The following IPO11 variants were observed in gnomAD, a reference collection of about 807,000 sequenced individuals.
IPO11 encodes the protein importin-11.
IPO11 carries 66 observed loss-of-function variants against 143.2 expected under a neutral mutation model. The observed-to-expected ratio is 0.46, with a 90% CI of 0.38 to 0.57. IPO11 has a LOEUF of 0.57. Ranked by LOEUF, IPO11 falls within the 20% of genes least tolerant of loss-of-function variation. The probability of loss-of-function intolerance (pLI) is 0.00; values close to 1 mark genes in which losing one functional copy is unlikely to be tolerated. For missense variants in IPO11, 1,026 were observed against 1,141.0 expected, an observed-to-expected ratio of 0.90 and a Z score of 1.45; for synonymous variants, 385 against 377.8, an observed-to-expected ratio of 1.02 and a Z score of -0.22.
At chr5:62,467,015 G>C in intron 5 of IPO11, 116 bp from the exon 6 acceptor site, 1 of 923,594 alleles carries the variant, frequency 1.1e-6, no homozygotes, top group East Asian at 2.7e-5. Context: ...GACTATTTCA[G>C]ATCTCTCAGA....
chr5:62,594,315 T>C (rs1745135521), intron 28 of IPO11, among the ~76,000 whole-genome samples: 1 of 152,190 alleles, frequency 6.6e-6, no homozygotes, highest in Non-Finnish European at 1.5e-5. Flanking sequence ...GAGGTATAAA[T>C]CTGATCATGT....
Position 62,450,017 on chromosome 5 carries a change from G to C in IPO11, c.312+18G>C. On this transcript the variant is annotated intron_variant, in intron 4 of 29. Coordinates refer to ENST00000325324, the MANE Select transcript of IPO11 (RefSeq NM_016338.5). ...TAAACCAGGTTAGTGAGAAATGAAT[G>C]CTAATTTTTCTTTTTATTTGTACTG... is the stretch of plus-strand genomic sequence containing the variant. 6.5e-7 allele frequency: 1 copy of C among 1,542,212 alleles called. No individual in the cohort carries two copies. The highest frequency in any genetic ancestry group is 8.8e-7 in the Non-Finnish European group (1 of 1,137,928).
intron 4 of IPO11, 122 bp downstream of exon 4, chr5:62,450,121 GT>G: frequency 1.8e-6 from 1 of 545,418 alleles, no homozygotes; most frequent in Non-Finnish European, 3.1e-6. Flanking sequence ...CATTTGTGAT[GT>G]TTTTATCTAT....
At chr5:62,446,526 A>C (rs1015004123) in intron 3 of IPO11, among the ~76,000 whole-genome samples, 1 of 152,228 alleles carries the variant, frequency 6.6e-6, no homozygotes, top group African/African-American at 2.4e-5. Flanking sequence ...ATGAATGATG[A>C]GTACTTTTTA....
intron 16 of IPO11, among the ~76,000 whole-genome samples, chr5:62,498,025 TTTTTTGTTG>T (rs921026510): frequency 6.6e-6 from 1 of 151,496 alleles, no homozygotes; most frequent in Non-Finnish European, 1.5e-5. Flanking sequence ...ATTGTTTTTT[TTTTTTGTTG>T]TTGTTGTTGT....
At chr5:62,485,271 A>C in intron 11 of IPO11, 148 bp from the exon 12 acceptor site, 2 of 606,936 alleles carry the variant, frequency 3.3e-6, no homozygotes, top group Non-Finnish European at 5.9e-6. Context: ...TATAGTAACA[A>C]AATCTGTGTA....
intron 27 of IPO11, among the ~76,000 whole-genome samples, chr5:62,571,728 C>T (rs1170821957): frequency 2.0e-5 from 3 of 151,406 alleles, no homozygotes; most frequent in Non-Finnish European, 2.9e-5. Context: ...CTCTGTCGCC[C>T]AGGCTGGAGT....
intron 5 of IPO11, among the ~76,000 whole-genome samples, chr5:62,458,577 A>G (rs1437851786): frequency 2.6e-5 from 4 of 152,196 alleles, no homozygotes; most frequent in Admixed American, 1.3e-4. Context: ...TTAGGATTAC[A>G]GGCATGAGCC....
At chr5:62,538,598 G>C (rs892834383) in intron 24 of IPO11, among the ~76,000 whole-genome samples, 16 of 152,168 alleles carry the variant, frequency 1.1e-4, no homozygotes, top group African/African-American at 3.6e-4. Flanking sequence ...TGCCTTGATT[G>C]TAAGTTTCCT....
chr5:62,485,900 T>TA (rs982557635), intron 12 of IPO11, among the ~76,000 whole-genome samples: 132 of 150,266 alleles, frequency 8.8e-4, no homozygotes, highest in African/African-American at 3.1e-3. Flanking sequence ...GTCAGACAGA[T>TA]AAGAAACTGT....
intron 27 of IPO11, among the ~76,000 whole-genome samples, chr5:62,565,589 A>AG (rs1257509851): frequency 3.9e-5 from 6 of 152,226 alleles, no homozygotes; most frequent in African/African-American, 1.4e-4. Flanking sequence ...CCACATTTTG[A>AG]TTTTTTGATG....
At chr5:62,489,833 A>G (rs1746538231) in intron 14 of IPO11, among the ~76,000 whole-genome samples, 1 of 152,232 alleles carries the variant, frequency 6.6e-6, no homozygotes, top group Non-Finnish European at 1.5e-5. Flanking sequence ...TATTACATCC[A>G]TTTTAGAAGC....
intron 7 of IPO11, among the ~76,000 whole-genome samples, chr5:62,470,816 C>CCT (rs1745742053): frequency 1.6e-5 from 1 of 62,536 alleles, no homozygotes; most frequent in African/African-American, 6.8e-5. Flanking sequence ...TAGCCATCTT[C>CCT]TTTTTTTTTT....
chr5:62,469,286 T>A (rs544888551), intron 6 of IPO11, among the ~76,000 whole-genome samples: 1 of 152,322 alleles, frequency 6.6e-6, no homozygotes, highest in Non-Finnish European at 1.5e-5. Flanking sequence ...TGCATCGTTA[T>A]GATGCAGCAA....
chr5:62,540,413 C>T (rs1186362726), intron 24 of IPO11, among the ~76,000 whole-genome samples: 2 of 152,204 alleles, frequency 1.3e-5, no homozygotes, highest in Non-Finnish European at 2.9e-5. Context: ...CATTTAAACA[C>T]TTCCCAGACC....
chr5:62,496,911 G>C (rs1225271143), intron 16 of IPO11, among the ~76,000 whole-genome samples: 1 of 152,170 alleles, frequency 6.6e-6, no homozygotes, highest in Non-Finnish European at 1.5e-5. Context: ...TCAGAGGTAA[G>C]AGACATTCTC....
chr5:62,581,454 A>G lies in IPO11; in HGVS notation c.2583-10123A>G, dbSNP rs73108081. 9.7e-3 allele frequency: 6,581 copies of G among 681,470 alleles called. 328 individuals carry two copies. The African/African-American group carries it at 0.11, about 12-fold the overall frequency. 42.2% of individuals were successfully genotyped at this position (681,470 alleles called of 1,614,324 possible). A position where few individuals can be genotyped will look rare whatever the true frequency, so the allele number is the denominator to read the frequency against. ...AAAATATGTTTTTAATAATTTGTGA[A>G]CAGTGTATTCATTTAGCAAATATTT... On this transcript the variant is annotated intron_variant, in intron 27 of 29. Coordinates refer to ENST00000325324, the MANE Select transcript of IPO11 (RefSeq NM_016338.5).
intron 5 of IPO11, among the ~76,000 whole-genome samples, chr5:62,460,181 CT>C (rs1745305714): frequency 6.6e-6 from 1 of 152,090 alleles, no homozygotes; most frequent in South Asian, 2.1e-4. Flanking sequence ...TCATTTAATA[CT>C]TTTATCCAGT....
chr5:62,463,739 A>G (rs987003402), intron 5 of IPO11, among the ~76,000 whole-genome samples: 2 of 151,878 alleles, frequency 1.3e-5, no homozygotes, highest in African/African-American at 2.4e-5. Flanking sequence ...TATACAGTGC[A>G]GTTAATTGTT....
Sources: gnomAD v4.1 joint callset for allele counts (sites outside exome capture counted in the v4.1 genomes callset) on GRCh38, gnomAD v4.1.1 for gene constraint, MANE v1.5 for transcripts, NCBI Gene and HGNC (gene_info 2026-07-23, HGNC 2026-07-21) for gene names.